PECAM1: variants seen among roughly 807,000 people sequenced by gnomAD.
The protein encoded by PECAM1 is platelet endothelial cell adhesion molecule.
Under a neutral mutation model 13.8 loss-of-function variants are expected in PECAM1, and 8 were observed. That is an observed-to-expected ratio of 0.58 (90% confidence interval 0.34 to 1.05). The LOEUF is 1.05. PECAM1 is among the 50% of genes least tolerant of loss of function. The pLI is 0.03. For synonymous variants in PECAM1, 136 were observed against 52.6 expected, an observed-to-expected ratio of 2.58 and a Z score of -6.86; for missense variants, 304 against 141.2, an observed-to-expected ratio of 2.15 and a Z score of -5.84.
At chr17:64,355,348 G>C (rs2035822239) in intron 8 of PECAM1, among the ~76,000 whole-genome samples, 1 of 152,196 alleles carries the variant, frequency 6.6e-6, no homozygotes, top group African/African-American at 2.4e-5. Context: ...ACCCAGGCTA[G>C]AGGCTGATGA....
chr17:64,366,875 A>T (rs1487754388), intron 5 of PECAM1, among the ~76,000 whole-genome samples: 1 of 150,272 alleles, frequency 6.7e-6, no homozygotes, highest in African/African-American at 2.4e-5. Context: ...CCTAATGCTA[A>T]ATGACGAGTT....
intron 13 of PECAM1, among the ~76,000 whole-genome samples, chr17:64,345,581 T>A (rs56051297): frequency 5.9e-5 from 9 of 151,706 alleles, no homozygotes; most frequent in Non-Finnish European, 1.2e-4. Flanking sequence ...GGGATGGTGG[T>A]GGGCGCCTGT....
At chr17:64,387,068 A>C (rs1272570363) in intron 2 of PECAM1, among the ~76,000 whole-genome samples, 2 of 152,174 alleles carry the variant, frequency 1.3e-5, no homozygotes, top group African/African-American at 4.8e-5. Flanking sequence ...AGTAAGTCCA[A>C]AGTCAGCCAT....
At position 64,323,392 on chromosome 17, in the gene PECAM1, A is replaced by C; in HGVS notation, c.*424T>G. On this transcript the variant is annotated 3_prime_UTR_variant, in exon 16 of 16. Transcript: ENST00000563924. Reference sequence around the variant, plus strand: ...TTGAAGGACCAAAGGAAAAGAGAAAAAACCAGCCTCTAACCAGGCCATGCG... The same window carrying C: ...TTGAAGGACCAAAGGAAAAGAGAAACAACCAGCCTCTAACCAGGCCATGCG... The C allele has an allele frequency of 9.1e-7, 1 of 1,102,072 alleles. No individual in the cohort carries two copies. The highest frequency in any genetic ancestry group is 1.1e-6 in the Non-Finnish European group (1 of 900,640). The allele number at this position is 1,102,072 out of a possible 1,614,324, so 68.3% of individuals were successfully genotyped here.
At chr17:64,347,530 A>G (rs1279566004) in intron 13 of PECAM1, among the ~76,000 whole-genome samples, 2 of 138,670 alleles carry the variant, frequency 1.4e-5, no homozygotes, top group South Asian at 4.2e-4. Flanking sequence ...CTCCGTCTCA[A>G]CAAAGAAAAA....
At chr17:64,362,605 T>C (rs1005531924) in intron 6 of PECAM1, among the ~76,000 whole-genome samples, 8 of 151,800 alleles carry the variant, frequency 5.3e-5, no homozygotes, top group African/African-American at 9.7e-5. Context: ...TGAGCCCAGA[T>C]TGTGCCACTG....
At chr17:64,366,417 G>C (rs1365389779) in intron 5 of PECAM1, among the ~76,000 whole-genome samples, 3,906 of 145,638 alleles carry the variant, frequency 0.027, 173 homozygotes, top group African/African-American at 0.091. Flanking sequence ...TCAGTGTGGC[G>C]ATTCCTCAGG....
rs1310315375 is a variant in PECAM1, at chr17:64,321,226, A to C, written c.*2590T>G. 1 of 153,438 alleles carries C rather than the reference A, an allele frequency of 6.5e-6. No homozygotes were observed. Among genetic ancestry groups the C allele is most frequent in the Admixed American group, 6.5e-5 (1 of 15,270 alleles). 9.5% of individuals were successfully genotyped at this position (153,438 alleles called of 1,614,324 possible). A position where few individuals can be genotyped will look rare whatever the true frequency, so the allele number is the denominator to read the frequency against. On this transcript the variant is annotated 3_prime_UTR_variant, in exon 16 of 16. Coordinates refer to ENST00000563924, the MANE Select transcript of PECAM1 (RefSeq NM_000442.5). ...TCCTTCAGTGACCGATTACCACATGAGAACACAAGAGGGCGCTCTAACTAA... is the reference window on the plus strand; with the variant it reads ...TCCTTCAGTGACCGATTACCACATGCGAACACAAGAGGGCGCTCTAACTAA...
chr17:64,388,962 CT>C (rs1157162398), intron 2 of PECAM1, among the ~76,000 whole-genome samples: 1 of 152,178 alleles, frequency 6.6e-6, no homozygotes. Flanking sequence ...GCCAACGCGG[CT>C]GGTAAAATCG....
chr17:64,368,396 T>C (rs1054051853), intron 5 of PECAM1, among the ~76,000 whole-genome samples: 1 of 152,110 alleles, frequency 6.6e-6, no homozygotes, highest in Non-Finnish European at 1.5e-5. Context: ...GTTCATGGAT[T>C]TGAAAGCCAA....
rs1018258496 is a variant in PECAM1 at position 64,361,207 on chromosome 17, G to A, written c.1217-792C>T. 1.7e-4 allele frequency among the ~76,000 whole-genome samples: 25 copies of A among 149,454 alleles called. 1 individual carries two copies. Among genetic ancestry groups the A allele is most frequent in the Middle Eastern group, 7.0e-3 (2 of 286 alleles). On this transcript the variant is annotated intron_variant, in intron 6 of 15. Transcript: ENST00000563924. ...GTCACCCAGGCTGGAGTGCAATGGC[G>A]CAATCTCAGCTGACCACAACCTCCA...
intron 15 of PECAM1, 70 bp downstream of exon 15, chr17:64,329,630 G>A (rs1340711066): frequency 1.1e-5 from 8 of 720,088 alleles, no homozygotes; most frequent in Middle Eastern, 2.3e-4. Flanking sequence ...CAGGACGTGG[G>A]TGAGTCTGGA....
rs1012408885 is a variant in PECAM1 at position 64,358,977 on chromosome 17, T to C, written c.1492+1163A>G. ...ACACCCAGCTAATTTTTTGTATTTTTATTAGAGACAGGATTTCACCATGTT... is the reference window on the plus strand; with the variant it reads ...ACACCCAGCTAATTTTTTGTATTTTCATTAGAGACAGGATTTCACCATGTT... On this transcript the variant is annotated intron_variant, in intron 7 of 15. Coordinates refer to ENST00000563924, the MANE Select transcript of PECAM1 (RefSeq NM_000442.5). 2.7e-3 allele frequency among the ~76,000 whole-genome samples: 408 copies of C among 152,144 alleles called. 2 individuals carry two copies. Among genetic ancestry groups the C allele is most frequent in the African/African-American group, 9.5e-3 (393 of 41,514 alleles).
chr17:64,380,550 C>T (rs1269504872), intron 2 of PECAM1, among the ~76,000 whole-genome samples: 1 of 152,146 alleles, frequency 6.6e-6, no homozygotes, highest in Non-Finnish European at 1.5e-5. Context: ...TCTTAGCCCC[C>T]CATCTATCTC....
At chr17:64,339,357 T>G (rs1250300211) in intron 14 of PECAM1, among the ~76,000 whole-genome samples, 1 of 152,212 alleles carries the variant, frequency 6.6e-6, no homozygotes, top group Admixed American at 6.5e-5. Flanking sequence ...AAATGGGATT[T>G]GTGGTGAATC....
At chr17:64,345,506 A>T (rs2035541264) in intron 13 of PECAM1, among the ~76,000 whole-genome samples, 1 of 151,962 alleles carries the variant, frequency 6.6e-6, no homozygotes, top group African/African-American at 2.4e-5. Context: ...TGAGGTCAGG[A>T]GTTGGAGACC....
chr17:64,352,256 T>C (rs1568019525), intron 11 of PECAM1, 134 bp downstream of exon 11: 2 of 407,940 alleles, frequency 4.9e-6, no homozygotes, highest in East Asian at 3.6e-5. Context: ...GCTGATGAGA[T>C]GAAGTACCCT....
chr17:64,327,009 C>T (rs1450867213), intron 15 of PECAM1, among the ~76,000 whole-genome samples: 1 of 152,184 alleles, frequency 6.6e-6, no homozygotes, highest in Non-Finnish European at 1.5e-5. Context: ...GTTTATGATT[C>T]CCAGTTTACA....
chr17:64,381,258 C>T (rs2036475917), intron 2 of PECAM1, among the ~76,000 whole-genome samples: 1 of 152,136 alleles, frequency 6.6e-6, no homozygotes, highest in Admixed American at 6.5e-5. Flanking sequence ...TCTAATGGAC[C>T]TTGTTCCTCT....
Sources: gnomAD v4.1 joint callset for allele counts (sites outside exome capture counted in the v4.1 genomes callset) on GRCh38, gnomAD v4.1.1 for gene constraint, MANE v1.5 for transcripts, NCBI Gene and HGNC (gene_info 2026-07-23, HGNC 2026-07-21) for gene names.